The following ZNF10 variants were observed in gnomAD, a reference collection of about 807,000 sequenced individuals.
The protein encoded by ZNF10 is zinc finger protein 10.
In ZNF10, 8 loss-of-function variants were observed where a neutral mutation model predicts 12.2. The ratio of observed to expected loss-of-function variants is 0.66; its 90% CI spans 0.39 to 1.18. ZNF10 has a LOEUF of 1.18. Among genes scored for constraint, ZNF10 ranks in the 50% most tolerant of loss-of-function variants. The pLI, the probability that ZNF10 is intolerant of heterozygous loss-of-function variation, is 0.01. For synonymous variants in ZNF10, 229 were observed against 228.2 expected (o/e 1.00, Z -0.03); for missense variants, 603 against 678.9 (o/e 0.89, Z 1.24).
intron 1 of ZNF10, among the ~76,000 whole-genome samples, chr12:133,140,760 T>A (rs1022659997): frequency 6.6e-6 from 1 of 152,224 alleles, no homozygotes; most frequent in African/African-American, 2.4e-5. Context: ...TGCATTTCTT[T>A]TGTACTTTGT....
chr12:133,156,631 A>C lies in ZNF10; in HGVS notation c.1385A>C (p.Glu462Ala). The C allele has an allele frequency of 6.2e-7, 1 of 1,614,078 alleles. No individual in the cohort carries two copies. The highest frequency in any genetic ancestry group is 8.5e-7 in the Non-Finnish European group (1 of 1,180,004). ...ACCCACACTGGAGAGAAACCATATG[A>C]GTGTCATGATTGTGGAAAATCTTTC... Reference protein sequence around the residue: ...QRTHTGEKPYECHDCGKSFSQ... With the variant: ...QRTHTGEKPYACHDCGKSFSQ... The change falls in exon 5 of 5, where the codon GAG becomes GCG. Residue 462 changes from glutamate (E) to alanine (A), a missense_variant. Physicochemically the swap from Glu to Ala is moderately radical, Grantham distance 107. Transcript: ENST00000248211.
chr12:133,149,475 A>T (rs1412949298), intron 2 of ZNF10, among the ~76,000 whole-genome samples: 1 of 140,600 alleles, frequency 7.1e-6, no homozygotes, highest in Non-Finnish European at 1.5e-5. Flanking sequence ...CTCTCACCTT[A>T]GCCTCCCGAG....
At position 133,157,624 on chromosome 12, in the gene ZNF10, A is replaced by T. The variant is rs982909097; in HGVS notation, c.*656A>T. 6.6e-6 allele frequency: 1 copy of T among 152,230 alleles called. No homozygotes were observed. The allele number at this position is 152,230 out of a possible 1,614,324, so 9.4% of individuals were successfully genotyped here. On this transcript the variant is annotated 3_prime_UTR_variant, in exon 5 of 5. Transcript: ENST00000248211. ...CAGAATTGATTTGTTAGATAAGGAG[A>T]TTTTGACTGAGTTTTATAGTCTGTT...
At chr12:133,139,939 C>T (rs1381068409) in intron 1 of ZNF10, among the ~76,000 whole-genome samples, 1 of 151,846 alleles carries the variant, frequency 6.6e-6, no homozygotes, top group African/African-American at 2.4e-5. Flanking sequence ...CATGGTGACC[C>T]ACACCTGTAA....
rs1473850424 is a variant in ZNF10 at position 133,151,890 on chromosome 12, A to C, written c.242A>C (p.Gln81Pro). ...EPWLVEREIH[Q>P]ETHPDSETAF... The stretch of plus-strand genomic sequence containing the variant: ...TGGCTGGTGGAGAGAGAAATTCACC[A>C]AGAGACCCATCCTGGTGAGGACCAG... The change falls in exon 4 of 5, where the codon CAA becomes CCA. Residue 81 changes from glutamine to proline, a missense_variant. Gln to Pro is a moderately conservative substitution (Grantham distance 76, BLOSUM62 -1). Around this residue, in one of 3 missense-constraint regions of ZNF10, gnomAD observed 393 missense variants for 399.7 expected, o/e 0.98. Transcript: ENST00000248211. The C allele has an allele frequency of 3.1e-6, 5 of 1,613,310 alleles. No individual in the cohort carries two copies. Among genetic ancestry groups the C allele is most frequent in the Non-Finnish European group, 4.2e-6 (5 of 1,179,452 alleles).
Position 133,156,044 on chromosome 12 carries a change from A to T in ZNF10, c.798A>T (p.Glu266Asp). ...SKGIHREKPY[E>D]CKECGKFFSW... ...GCATACATAGAGAGAAACCCTATGAATGTAAGGAATGTGGAAAATTCTTCA... is the reference window on the plus strand; with the variant it reads ...GCATACATAGAGAGAAACCCTATGATTGTAAGGAATGTGGAAAATTCTTCA... The change falls in exon 5 of 5, where the codon GAA becomes GAT. Residue 266 changes from glutamate to aspartate, a missense_variant. By Grantham distance (45) the Glu-to-Asp change is conservative (BLOSUM62 2). Transcript: ENST00000248211. 3 of 1,613,586 alleles carry T rather than the reference A, an allele frequency of 1.9e-6. No homozygotes were observed. The highest frequency in any genetic ancestry group is 2.5e-6 in the Non-Finnish European group (3 of 1,179,962).
Position 133,158,191 on chromosome 12 carries a change from T to C in ZNF10, c.*1223T>C, listed in dbSNP as rs1345687728. ...TAGTACTTACCTGGTAGGATTATGG[T>C]GAGTATTAAATGAGTAAATGGAAAC... On this transcript the variant is annotated 3_prime_UTR_variant, in exon 5 of 5. Transcript: ENST00000248211. The C allele has an allele frequency of 6.6e-6, 1 of 152,198 alleles. No homozygotes were observed. Among genetic ancestry groups the C allele is most frequent in the African/African-American group, 2.4e-5 (1 of 41,442 alleles). The allele number at this position is 152,198 out of a possible 1,614,324, so 9.4% of individuals were successfully genotyped here.
intron 4 of ZNF10, 74 bp downstream of exon 4, chr12:133,151,978 T>G: frequency 5.0e-6 from 6 of 1,201,164 alleles, no homozygotes; most frequent in Non-Finnish European, 7.3e-6. Context: ...CTAGAGATAG[T>G]GGTCACTGGC....
intron 1 of ZNF10, among the ~76,000 whole-genome samples, chr12:133,131,232 T>C (rs1593835665): frequency 6.6e-6 from 1 of 152,158 alleles, no homozygotes; most frequent in Admixed American, 6.5e-5. Flanking sequence ...TTTAATCAGA[T>C]AGATTAACTG....
Position 133,151,009 on chromosome 12 carries a change from A to G in ZNF10, c.34-19A>G. The stretch of plus-strand genomic sequence containing the variant: ...AAAGATGCATATCTGGTGCAATGCA[A>G]ATGTGTTTGATGTTGTAGACACTGG... On this transcript the variant is annotated intron_variant, in intron 2 of 4. Transcript: ENST00000248211. The G allele has an allele frequency of 1.2e-6, 2 of 1,608,682 alleles. No individual in the cohort carries two copies. The highest frequency in any genetic ancestry group is 1.7e-6 in the Non-Finnish European group (2 of 1,176,510).
intron 4 of ZNF10, 93 bp downstream of exon 4, chr12:133,151,997 C>T: frequency 1.1e-6 from 1 of 916,126 alleles, no homozygotes; most frequent in Non-Finnish European, 1.7e-6. Flanking sequence ...GCCCTCCTCA[C>T]AGGCCCTTCT....
intron 1 of ZNF10, among the ~76,000 whole-genome samples, chr12:133,136,567 C>G (rs748436743): frequency 4.6e-5 from 7 of 152,002 alleles, no homozygotes; most frequent in Non-Finnish European, 1.0e-4. Flanking sequence ...CTGGTCCTAC[C>G]GTTTATTTTA....
rs1030154095 is a variant in ZNF10, at chr12:133,130,637, C to T, written c.-177C>T. The T allele has an allele frequency of 6.6e-6, 1 of 152,360 alleles. No homozygotes were observed. The highest frequency in any genetic ancestry group is 1.5e-5 in the Non-Finnish European group (1 of 68,068). 9.4% of individuals were successfully genotyped at this position (152,360 alleles called of 1,614,324 possible). ...TGCCGAGCCGGCCTCAGACTCACCTCTGACGCCGCTCTTCGCGCTCCGCTG... is the reference window on the plus strand; with the variant it reads ...TGCCGAGCCGGCCTCAGACTCACCTTTGACGCCGCTCTTCGCGCTCCGCTG... On this transcript the variant is annotated 5_prime_UTR_variant, in exon 1 of 5. Coordinates refer to ENST00000248211, the MANE Select transcript of ZNF10 (RefSeq NM_015394.5).
chr12:133,151,951 G>T, intron 4 of ZNF10, 47 bp downstream of exon 4: 1 of 1,503,684 alleles, frequency 6.7e-7, no homozygotes, highest in Non-Finnish European at 9.2e-7. Context: ...CAGATGGGCT[G>T]TGAGGTGCCA....
intron 1 of ZNF10, among the ~76,000 whole-genome samples, chr12:133,136,538 T>C (rs1184202667): frequency 6.6e-6 from 1 of 152,194 alleles, no homozygotes; most frequent in African/African-American, 2.4e-5. Context: ...TTCCTAAACG[T>C]TGATTTTTCT....
chr12:133,139,733 A>C, intron 1 of ZNF10, among the ~76,000 whole-genome samples: 1 of 152,044 alleles, frequency 6.6e-6, no homozygotes, highest in East Asian at 1.9e-4. Flanking sequence ...ATTGGATGTT[A>C]AAAAGAAACT....
At position 133,151,831 on chromosome 12, in the gene ZNF10, T is replaced by C; in HGVS notation, c.183T>C (p.Asp61=). The C allele has an allele frequency of 6.2e-7, 1 of 1,613,308 alleles. No individual in the cohort carries two copies. The highest frequency in any genetic ancestry group is 2.2e-5 in the East Asian group (1 of 44,850). Residue 61 remains aspartate (D), a synonymous_variant, in exon 4 of 5, where the codon GAT becomes GAC. Transcript: ENST00000248211. ...CAGGTTATCAGCTTACTAAGCCAGA[T>C]GTGATCCTCCGGTTGGAGAAGGGAG... ...VSLGYQLTKP[D]VILRLEKGEE...
chr12:133,157,260 T>C lies in ZNF10; in HGVS notation c.*292T>C. ...GAGAAGGAATTATTAAATAGGTGAG[T>C]TGTTGAGCGAGAACCCCTTCATTTG... On this transcript the variant is annotated 3_prime_UTR_variant, in exon 5 of 5. Coordinates refer to ENST00000248211, the MANE Select transcript of ZNF10 (RefSeq NM_015394.5). 1 of 248,520 alleles carries C rather than the reference T, an allele frequency of 4.0e-6. No homozygotes were observed. The highest frequency in any genetic ancestry group is 7.6e-6 in the Non-Finnish European group (1 of 131,744). The allele number at this position is 248,520 out of a possible 1,614,324, so 15.4% of individuals were successfully genotyped here.
intron 2 of ZNF10, among the ~76,000 whole-genome samples, chr12:133,145,673 C>T (rs1955971293): frequency 6.6e-6 from 1 of 151,336 alleles, no homozygotes; most frequent in East Asian, 1.9e-4. Flanking sequence ...GCAAGCCAGG[C>T]GTGGTGGCAT....
Sources: gnomAD v4.1 joint callset for allele counts (sites outside exome capture counted in the v4.1 genomes callset) on GRCh38, gnomAD v4.1.1 for gene constraint, gnomAD v4.1.1 regional missense constraint, MANE v1.5 for transcripts, NCBI Gene and HGNC (gene_info 2026-07-23, HGNC 2026-07-21) for gene names.